The following SLC9A6 variants were observed in gnomAD, a reference collection of about 807,000 sequenced individuals.
SLC9A6 encodes solute carrier family 9 member A6.
Under a neutral mutation model 45.3 loss-of-function variants are expected in SLC9A6, and 6 were observed. That is an observed-to-expected ratio of 0.13 (90% CI 0.07 to 0.26). The LOEUF (loss-of-function observed/expected upper bound fraction) is 0.26. Among genes scored for constraint, SLC9A6 ranks in the 10% least tolerant of loss-of-function variants. The pLI, the probability that SLC9A6 is intolerant of heterozygous loss-of-function variation, is 1.00. For synonymous variants in SLC9A6, 191 were observed against 187.7 expected (o/e 1.02, Z -0.14); for missense variants, 278 against 503.7 (o/e 0.55, Z 4.29).
chrX:136,034,299 A>G (rs781834716), intron 16 of SLC9A6, among the ~76,000 whole-genome samples: 1 of 110,408 alleles, frequency 9.1e-6, no homozygotes, highest in Non-Finnish European at 1.9e-5. Context: ...GATCTAGGTT[A>G]CATACTCCTT....
chrX:135,988,296 G>A (rs915194178), intron 2 of SLC9A6, among the ~76,000 whole-genome samples: 17 of 111,725 alleles, frequency 1.5e-4, no homozygotes, highest in East Asian at 1.4e-3. Context: ...TTGACTTGGC[G>A]TTCTTTAGCC....
intron 16 of SLC9A6, among the ~76,000 whole-genome samples, chrX:136,039,393 C>T (rs1406339038): frequency 9.2e-6 from 1 of 109,157 alleles, no homozygotes; most frequent in Non-Finnish European, 1.9e-5. Context: ...CTTTTTTCTT[C>T]TGAGTGTCAT....
chrX:136,013,551 A>G, intron 10 of SLC9A6, 114 bp downstream of exon 10: 3 of 521,451 alleles, frequency 5.8e-6, no homozygotes, highest in Non-Finnish European at 6.3e-6. Context: ...CTATCTACTC[A>G]TTTTGGCTCC....
intron 3 of SLC9A6, among the ~76,000 whole-genome samples, chrX:135,995,432 C>T (rs2089484001): frequency 9.0e-6 from 1 of 111,457 alleles, no homozygotes; most frequent in African/African-American, 3.3e-5. Context: ...AAGCAATTCT[C>T]CTGCCTCAGC....
intron 6 of SLC9A6, among the ~76,000 whole-genome samples, chrX:135,999,376 A>G (rs2089550076): frequency 9.0e-6 from 1 of 111,586 alleles, no homozygotes; most frequent in Non-Finnish European, 1.9e-5. Context: ...AAAATCTTTC[A>G]GTTTCTATTC....
chrX:136,017,983 C>T (rs146229435), intron 11 of SLC9A6, among the ~76,000 whole-genome samples: 2,827 of 111,734 alleles, frequency 0.025, 72 homozygotes, highest in Admixed American at 0.098. Flanking sequence ...CATAGGGCAG[C>T]TTACAACATG....
chrX:135,999,448 CTAA>C (rs2089551176), intron 6 of SLC9A6, among the ~76,000 whole-genome samples: 1 of 111,799 alleles, frequency 8.9e-6, no homozygotes, highest in African/African-American at 3.2e-5. Context: ...GGCAGTTGTG[CTAA>C]TACAGGTTTG....
At chrX:135,996,797 C>G (rs1390030004) in intron 3 of SLC9A6, among the ~76,000 whole-genome samples, 9 of 109,909 alleles carry the variant, frequency 8.2e-5, no homozygotes, top group Admixed American at 9.7e-5. Context: ...GACAGAGTCT[C>G]GCTCTGTCGC....
Position 136,024,378 on chromosome X carries a change from C to A in SLC9A6, c.1355C>A (p.Thr452Asn). 8.3e-7 allele frequency: 1 copy of A among 1,210,888 alleles called. No homozygotes were observed. The highest frequency in any genetic ancestry group is 1.1e-6 in the Non-Finnish European group (1 of 894,842). Residue 452 changes from threonine to asparagine, a missense_variant, in exon 13 of 18, where the codon ACT (threonine) becomes AAT (asparagine). By Grantham distance (65) the Thr-to-Asn change is moderately conservative. Coordinates refer to ENST00000630721, the MANE Select transcript of SLC9A6 (RefSeq NM_001379110.1). ...AFALAIRDTA[T>N]YARQMMFSTT... ...GCCTTGGCCATTCGAGATACTGCCACTTATGCACGGCAAATGATGTTCAGC... is the reference window on the plus strand; with the variant it reads ...GCCTTGGCCATTCGAGATACTGCCAATTATGCACGGCAAATGATGTTCAGC...
chrX:135,977,762 TA>T (rs1421254802), intron 1 of SLC9A6, among the ~76,000 whole-genome samples: 1 of 110,824 alleles, frequency 9.0e-6, no homozygotes, highest in African/African-American at 3.3e-5. Flanking sequence ...ATTCAAACAA[TA>T]AAAAAAAGTA....
At chrX:136,021,215 T>G (rs903172480) in intron 11 of SLC9A6, among the ~76,000 whole-genome samples, 1 of 111,660 alleles carries the variant, frequency 9.0e-6, no homozygotes, top group African/African-American at 3.3e-5. Context: ...TGTATCTCTG[T>G]TAAGCTCAAT....
intron 16 of SLC9A6, among the ~76,000 whole-genome samples, chrX:136,038,087 T>C (rs1471378915): frequency 3.6e-5 from 4 of 111,975 alleles, no homozygotes; most frequent in Non-Finnish European, 7.5e-5. Flanking sequence ...TAAGTGATGA[T>C]ACAGGACATT....
intron 11 of SLC9A6, among the ~76,000 whole-genome samples, chrX:136,020,040 C>T (rs1404990751): frequency 8.9e-6 from 1 of 112,159 alleles, no homozygotes; most frequent in Non-Finnish European, 1.9e-5. Flanking sequence ...GGGAGGAAGA[C>T]CACAGAGGTA....
chrX:136,029,258 A>G (rs954069053), intron 14 of SLC9A6, among the ~76,000 whole-genome samples: 1 of 110,852 alleles, frequency 9.0e-6, no homozygotes, highest in African/African-American at 3.3e-5. Flanking sequence ...AGGATGGAAA[A>G]GTAGGTTGGA....
chrX:136,044,773 T>C lies in SLC9A6; in HGVS notation c.*49T>C. On this transcript the variant is annotated 3_prime_UTR_variant, in exon 18 of 18. Coordinates refer to ENST00000630721, the MANE Select transcript of SLC9A6 (RefSeq NM_001379110.1). ...TTTGTAAAATTTGCACATGTGATTG[T>C]GAAGAAATTTGTACTACCTAAAAGT... 8.9e-7 allele frequency: 1 copy of C among 1,129,517 alleles called. No homozygotes were observed. Among genetic ancestry groups the C allele is most frequent in the South Asian group, 1.8e-5 (1 of 54,977 alleles). 93.1% of individuals were successfully genotyped at this position (1,129,517 alleles called of 1,213,427 possible).
At position 135,998,163 on chromosome X, in the gene SLC9A6, A is replaced by G. The variant is rs1556616834; in HGVS notation, c.425A>G (p.Tyr142Cys). 2.7e-6 allele frequency: 3 copies of G among 1,118,243 alleles called. No homozygotes were observed. In the Admixed American group the frequency reaches 6.6e-5, roughly 25 times the overall value. The allele number at this position is 1,118,243 out of a possible 1,213,427, so 92.2% of individuals were successfully genotyped here. ...ATATTACTTCCTCCTATCATATTTTATGCAGGTTATAGCCTGAAAAGGGTA... is the reference window on the plus strand; with the variant it reads ...ATATTACTTCCTCCTATCATATTTTGTGCAGGTTATAGCCTGAAAAGGGTA... ...FNILLPPIIF[Y>C]AGYSLKRRHF... The change falls in exon 4 of 18, where the codon TAT (tyrosine) becomes TGT (cysteine). Residue 142 changes from tyrosine to cysteine, a missense_variant. By Grantham distance (194) the Tyr-to-Cys change is radical. Around this residue, in one of 5 missense-constraint regions of SLC9A6, gnomAD observed 118 missense variants for 209.9 expected, o/e 0.56. Coordinates refer to ENST00000630721, the MANE Select transcript of SLC9A6 (RefSeq NM_001379110.1).
chrX:135,982,763 C>T (rs1441755904), upstream of SLC9A6, among the ~76,000 whole-genome samples: 4 of 112,524 alleles, frequency 3.6e-5, no homozygotes, highest in African/African-American at 1.3e-4. Flanking sequence ...CGTAAGCCAC[C>T]ATGCCTGGCC....
intron 12 of SLC9A6, among the ~76,000 whole-genome samples, chrX:136,022,950 C>G (rs1413421453): frequency 9.3e-6 from 1 of 107,395 alleles, no homozygotes; most frequent in African/African-American, 3.4e-5. Context: ...GCTGGGATTA[C>G]AAGGCATGCA....
intron 7 of SLC9A6, among the ~76,000 whole-genome samples, chrX:136,005,736 ACTT>A (rs1556617902): frequency 9.0e-6 from 1 of 110,939 alleles, no homozygotes; most frequent in African/African-American, 3.3e-5. Flanking sequence ...AAAGGGCCAT[ACTT>A]CTTCTCTTGC....
Sources: allele counts gnomAD v4.1 joint callset (sites outside exome capture counted in the v4.1 genomes callset), GRCh38; gene constraint gnomAD v4.1.1; regional missense constraint gnomAD v4.1.1; transcripts MANE v1.5; gene names NCBI Gene and HGNC (gene_info 2026-07-23, HGNC 2026-07-21).